The following NLRC4 variants were observed in gnomAD, a reference collection of about 807,000 sequenced individuals.
NLRC4 encodes NLR family CARD domain containing 4.
NLRC4 carries 63 observed loss-of-function variants against 79.9 expected under a neutral mutation model. The observed-to-expected ratio is 0.79, with a 90% CI of 0.64 to 0.97. NLRC4 has a LOEUF of 0.97. NLRC4 is among the 50% of genes least tolerant of loss of function. The probability of loss-of-function intolerance (pLI) is 0.00; values close to 1 mark genes in which losing one functional copy is unlikely to be tolerated. For missense variants in NLRC4, 1,074 were observed against 1,215.2 expected, an observed-to-expected ratio of 0.88 and a Z score of 1.73; for synonymous variants, 461 against 456.5, an observed-to-expected ratio of 1.01 and a Z score of -0.12.
intron 4 of NLRC4, among the ~76,000 whole-genome samples, chr2:32,246,966 C>G (rs1379337212): frequency 6.6e-6 from 1 of 152,102 alleles, no homozygotes; most frequent in Non-Finnish European, 1.5e-5. Flanking sequence ...GAGACAGGGT[C>G]TTCCTATTGT....
chr2:32,261,009 G>T (rs1233118523), intron 1 of NLRC4, among the ~76,000 whole-genome samples: 2 of 151,882 alleles, frequency 1.3e-5, no homozygotes, highest in Non-Finnish European at 2.9e-5. Flanking sequence ...TGGCTAACAA[G>T]GTGAAACCCT....
chr2:32,235,218 A>T lies in NLRC4; in HGVS notation c.2782+183T>A, dbSNP rs956369983. On this transcript the variant is annotated intron_variant, in intron 8 of 8. Transcript: ENST00000402280. ...TTAATTCTGTAGGTAAAGGAAATAG[A>T]ATCTGAAGGAAGGCCAGTGTTTTAA... is the stretch of plus-strand genomic sequence containing the variant. Among the ~76,000 whole-genome samples the T allele has an allele frequency of 2.6e-5, 4 of 152,226 alleles. No homozygotes were observed. In the East Asian group the frequency reaches 7.7e-4, roughly 29 times the overall value.
intron 8 of NLRC4, among the ~76,000 whole-genome samples, chr2:32,227,324 G>A (rs115445470): frequency 3.9e-5 from 6 of 152,298 alleles, no homozygotes; most frequent in East Asian, 3.9e-4. Flanking sequence ...TTATCACAGC[G>A]TAGCCTATGC....
chr2:32,249,972 G>A lies in NLRC4; in HGVS notation c.1892C>T (p.Thr631Ile). Residue 631 changes from threonine (T) to isoleucine (I), a missense_variant, in exon 4 of 9, where the codon ACA (threonine) becomes ATA (isoleucine). By Grantham distance (89) the Thr-to-Ile change is moderately conservative. Coordinates refer to ENST00000402280, the MANE Select transcript of NLRC4 (RefSeq NM_001199138.2). ...MASWEKAAED[T>I]GGIHMEEAPE... ...GGCCTCTTCCATGTGGATTCCACCT[G>A]TGTCTTCTGCAGCCTTTTCCCATGA... The A allele has an allele frequency of 2.5e-6, 4 of 1,614,208 alleles. No individual in the cohort carries two copies. Among genetic ancestry groups the A allele is most frequent in the Non-Finnish European group, 3.4e-6 (4 of 1,180,050 alleles).
chr2:32,250,229 A>T lies in NLRC4; in HGVS notation c.1635T>A (p.Ile545=). 2 of 1,614,186 alleles carry T rather than the reference A, an allele frequency of 1.2e-6. No homozygotes were observed. The highest frequency in any genetic ancestry group is 1.7e-6 in the Non-Finnish European group (2 of 1,180,048). Reference sequence around the variant, plus strand: ...AGGAATTGATGTTTATGGCTTTCAGAATTTCTTGCTCAGTGGTGTTTTTCA... The same window carrying T: ...AGGAATTGATGTTTATGGCTTTCAGTATTTCTTGCTCAGTGGTGTTTTTCA... ...QSVKNTTEQE[I]LKAININSFV... The change falls in exon 4 of 9, where the codon ATT becomes ATA. Residue 545 remains isoleucine (I), a synonymous_variant. Transcript: ENST00000402280. The surrounding 1 kb of genome is among the most constrained non-coding windows in gnomAD (Gnocchi z 4.9).
rs372559110 is a variant in NLRC4, at chr2:32,251,384, A to G, written c.480T>C (p.Ala160=). 191 of 1,613,812 alleles carry G rather than the reference A, an allele frequency of 1.2e-4. No homozygotes were observed. Among genetic ancestry groups the G allele is most frequent in the Non-Finnish European group, 1.5e-4 (180 of 1,179,872 alleles). ...EQLTLNGLLQ[A]LQSPCIIEGE... is the part of the protein sequence containing the mutation. ...CTTCAATGATGCAGGGGCTCTGAAG[A>G]GCCTGCAGGAGGCCATTCAGGGTCA... Residue 160 remains alanine, a synonymous_variant, in exon 4 of 9, where the codon GCT becomes GCC. Transcript: ENST00000402280.
In NLRC4 at chr2:32,259,262, A is replaced by ATTTTTT. The variant is rs57570626; in HGVS notation, c.-118-2375_-118-2370dup. Among the ~76,000 whole-genome samples, 107 of 52,898 alleles carry ATTTTTT rather than the reference A, an allele frequency of 2.0e-3. 22 individuals carry two copies. The highest frequency in any genetic ancestry group is 2.7e-3 in the African/African-American group (29 of 10,700). 34.7% of individuals were successfully genotyped at this position (52,898 alleles called of 152,430 possible). A position where few individuals can be genotyped will look rare whatever the true frequency, so the allele number is the denominator to read the frequency against. The stretch of plus-strand genomic sequence containing the variant: ...AGGTGTGTGCCACCATGCCTGGCTA[A>ATTTTTT]TTTTTTTTTTTTTTTTTTTTTTTTT... On this transcript the variant is annotated intron_variant, in intron 1 of 8. Coordinates refer to ENST00000402280, the MANE Select transcript of NLRC4 (RefSeq NM_001199138.2).
rs759917519 is a variant in NLRC4, at chr2:32,250,134, G to A, written c.1730C>T (p.Ala577Val). ...SKSALSQEFE[A>V]FFQGKSLYIN... Reference sequence around the variant, plus strand: ...ATATAAGCTTTTACCTTGAAAGAAAGCTTCAAATTCTTGGCTCAGGGCTGA... The same window carrying A: ...ATATAAGCTTTTACCTTGAAAGAAAACTTCAAATTCTTGGCTCAGGGCTGA... The change falls in exon 4 of 9, where the codon GCT becomes GTT. Residue 577 changes from alanine to valine, a missense_variant. Physicochemically the swap from Ala to Val is moderately conservative, Grantham distance 64. Transcript: ENST00000402280. This position sits in a 1 kb window ranked among gnomAD's most constrained non-coding sequence, Gnocchi z 4.9. The A allele has an allele frequency of 6.2e-7, 1 of 1,614,164 alleles. No individual in the cohort carries two copies. The highest frequency in any genetic ancestry group is 8.5e-7 in the Non-Finnish European group (1 of 1,180,030).
At chr2:32,244,159 T>TGA (rs1243925735) in intron 4 of NLRC4, among the ~76,000 whole-genome samples, 21 of 152,026 alleles carry the variant, frequency 1.4e-4, no homozygotes, top group Non-Finnish European at 2.8e-4. Flanking sequence ...CTGAGGTGGG[T>TGA]GGATCTGTTG....
At chr2:32,258,182 C>T (rs1270761368) in intron 1 of NLRC4, among the ~76,000 whole-genome samples, 3 of 152,160 alleles carry the variant, frequency 2.0e-5, no homozygotes, top group East Asian at 1.9e-4. Context: ...GGCCAAACTC[C>T]GAGTCGTTCC....
chr2:32,233,345 A>ATTTTT (rs1241686037), intron 8 of NLRC4, among the ~76,000 whole-genome samples: 3 of 63,750 alleles, frequency 4.7e-5, no homozygotes, highest in African/African-American at 1.5e-4. Flanking sequence ...ATATATATAT[A>ATTTTT]TATATTTTTT....
chr2:32,228,269 T>C (rs746235586), intron 8 of NLRC4, among the ~76,000 whole-genome samples: 2 of 152,140 alleles, frequency 1.3e-5, no homozygotes, highest in Non-Finnish European at 2.9e-5. Flanking sequence ...ACACTTGCAA[T>C]TGGGCTTATA....
upstream of NLRC4, among the ~76,000 whole-genome samples, chr2:32,265,192 T>G (rs959267499): frequency 4.6e-5 from 7 of 152,272 alleles, no homozygotes; most frequent in South Asian, 2.1e-4. Flanking sequence ...TCTTTTTTCT[T>G]TTTTTTGAGA....
chr2:32,252,318 A>T, intron 3 of NLRC4, 101 bp downstream of exon 3: 1 of 853,256 alleles, frequency 1.2e-6, no homozygotes, highest in Non-Finnish European at 1.9e-6. Context: ...GCCAGGTGAT[A>T]TGAAGAGAAG....
intron 1 of NLRC4, among the ~76,000 whole-genome samples, chr2:32,263,615 G>A (rs912972611): frequency 2.0e-5 from 3 of 152,098 alleles, no homozygotes; most frequent in African/African-American, 7.2e-5. Context: ...TATGAGAAGA[G>A]GAAATCGGGA....
Position 32,250,478 on chromosome 2 carries a change from A to G in NLRC4, c.1386T>C (p.His462=), listed in dbSNP as rs1306350382. 6.2e-7 allele frequency: 1 copy of G among 1,614,104 alleles called. No individual in the cohort carries two copies. The highest frequency in any genetic ancestry group is 8.5e-7 in the Non-Finnish European group (1 of 1,180,036). Reference sequence around the variant, plus strand: ...TCCCCTTGGTCACCTCCTCTGGCTCATGAGACGTCAATAAACTGCTGAGTC... The same window carrying G: ...TCCCCTTGGTCACCTCCTCTGGCTCGTGAGACGTCAATAAACTGCTGAGTC... ...GRRLSSLLTS[H]EPEEVTKGNG... is the part of the protein sequence containing the mutation. Residue 462 remains histidine, a synonymous_variant, in exon 4 of 9, where the codon CAT becomes CAC. Coordinates refer to ENST00000402280, the MANE Select transcript of NLRC4 (RefSeq NM_001199138.2). This position sits in a 1 kb window ranked among gnomAD's most constrained non-coding sequence, Gnocchi z 4.9.
At chr2:32,262,750 T>TGG in intron 1 of NLRC4, among the ~76,000 whole-genome samples, 1 of 150,856 alleles carries the variant, frequency 6.6e-6, no homozygotes, top group South Asian at 2.1e-4. Flanking sequence ...CACTCCAGCC[T>TGG]GGGTGACAGA....
intron 2 of NLRC4, among the ~76,000 whole-genome samples, chr2:32,254,613 GT>G (rs61379576): frequency 0.46 from 43,623 of 95,200 alleles, 8,910 homozygotes; most frequent in African/African-American, 0.49. Context: ...GCTGCTCCTG[GT>G]TTTTTTTTTT....
At chr2:32,264,347 T>C (rs1414925924) in intron 1 of NLRC4, among the ~76,000 whole-genome samples, 5 of 150,774 alleles carry the variant, frequency 3.3e-5, no homozygotes, top group Admixed American at 2.7e-4. Context: ...GGCAGGAGAA[T>C]TGCTTGAACC....
Sources: gnomAD v4.1 joint callset for allele counts (sites outside exome capture counted in the v4.1 genomes callset) on GRCh38, gnomAD v4.1.1 for gene constraint, Gnocchi (gnomAD v3.1) non-coding constraint, MANE v1.5 for transcripts, NCBI Gene and HGNC (gene_info 2026-07-23, HGNC 2026-07-21) for gene names.